Variants in SEC61A2 observed in about 807,000 individuals in gnomAD.
SEC61A2 encodes the protein protein transport protein Sec61 subunit alpha isoform 2.
In SEC61A2, 28 loss-of-function variants were observed where a neutral mutation model predicts 59.9. The observed-to-expected ratio is 0.47, with a 90% CI of 0.35 to 0.64. The LOEUF (loss-of-function observed/expected upper bound fraction) is 0.64, where lower values mean the gene tolerates loss of function less well. Among genes scored for constraint, SEC61A2 ranks in the 30% least tolerant of loss-of-function variants. SEC61A2 has a pLI of 0.01. For missense variants in SEC61A2, 340 were observed against 585.9 expected, an observed-to-expected ratio of 0.58 and a Z score of 4.33; for synonymous variants, 202 against 214.4, an observed-to-expected ratio of 0.94 and a Z score of 0.50.
Position 12,165,298 on chromosome 10 carries a change from CTGT to C in SEC61A2, c.*851_*853del, listed in dbSNP as rs539956283. Reference sequence around the variant, plus strand: ...ATATATTCATGCTAGGAATTTGTGTCTGTTGTTGTACTCACAGCAGCAACATGA... The same window carrying C: ...ATATATTCATGCTAGGAATTTGTGTCTGTTGTACTCACAGCAGCAACATGA... On this transcript the variant is annotated 3_prime_UTR_variant, in exon 12 of 12. Coordinates refer to ENST00000298428, the MANE Select transcript of SEC61A2 (RefSeq NM_018144.4). 0.014 allele frequency: 13,956 copies of C among 985,242 alleles called. 128 individuals carry two copies. Among genetic ancestry groups the C allele is most frequent in the Non-Finnish European group, 0.016 (12,981 of 829,768 alleles). 61.0% of individuals were successfully genotyped at this position (985,242 alleles called of 1,614,324 possible).
Position 12,164,660 on chromosome 10 carries a change from T to C in SEC61A2, c.*206T>C. 7.3e-7 allele frequency: 1 copy of C among 1,363,744 alleles called. No homozygotes were observed. The highest frequency in any genetic ancestry group is 9.4e-7 in the Non-Finnish European group (1 of 1,064,682). The allele number at this position is 1,363,744 out of a possible 1,614,324, so 84.5% of individuals were successfully genotyped here. On this transcript the variant is annotated 3_prime_UTR_variant, in exon 12 of 12. Coordinates refer to ENST00000298428, the MANE Select transcript of SEC61A2 (RefSeq NM_018144.4). The surrounding 1 kb of genome is among the most constrained non-coding windows in gnomAD (Gnocchi z 7.3). ...TTAAAACTCAAGTTTACATTATTCA[T>C]TAAAAAAAGTACATCTAGTGTTGCC...
chr10:12,165,379 T>C lies in SEC61A2; in HGVS notation c.*925T>C. 1 of 970,374 alleles carries C rather than the reference T, an allele frequency of 1.0e-6. No homozygotes were observed. Among genetic ancestry groups the C allele is most frequent in the Non-Finnish European group, 1.2e-6 (1 of 816,300 alleles). The allele number at this position is 970,374 out of a possible 1,614,324, so 60.1% of individuals were successfully genotyped here. ...TTTAAGAAAACTGATTCAGTTGTGT[T>C]GGAAAAAATAAAGAAATCTGATATT... On this transcript the variant is annotated 3_prime_UTR_variant, in exon 12 of 12. Coordinates refer to ENST00000298428, the MANE Select transcript of SEC61A2 (RefSeq NM_018144.4).
rs1049738834 is a variant in SEC61A2 at position 12,155,456 on chromosome 10, G to A, written c.463-322G>A. 2 of 1,063,898 alleles carry A rather than the reference G, an allele frequency of 1.9e-6. No homozygotes were observed. Among genetic ancestry groups the A allele is most frequent in the Non-Finnish European group, 1.3e-6 (1 of 755,484 alleles). The allele number at this position is 1,063,898 out of a possible 1,614,324, so 65.9% of individuals were successfully genotyped here. The stretch of plus-strand genomic sequence containing the variant: ...GCTGTCATAAATTCTAGAATACTGT[G>A]ATCATTTTTTGTTTCAGTGTGCTTT... On this transcript the variant is annotated intron_variant, in intron 6 of 11. Transcript: ENST00000298428. The surrounding 1 kb of genome is among the most constrained non-coding windows in gnomAD (Gnocchi z 4.3).
intron 2 of SEC61A2, among the ~76,000 whole-genome samples, chr10:12,134,968 G>A (rs1588629606): frequency 6.6e-6 from 1 of 152,074 alleles, no homozygotes; most frequent in East Asian, 1.9e-4. Flanking sequence ...CTTCAAAAAG[G>A]GGCATTTAAG....
downstream of SEC61A2, chr10:12,167,038 C>A (rs1834716317): frequency 5.3e-6 from 1 of 189,038 alleles, no homozygotes; most frequent in Admixed American, 5.6e-5. Flanking sequence ...CAAGCACGTG[C>A]AGATGCTTGC....
rs1024187074 is a variant in SEC61A2, at chr10:12,162,886, T to C, written c.1244+597T>C. ...ATTTCATATAAATGGAATCATATAATGTATGTTATTTTGTAAGTGGCTTCT... is the reference window on the plus strand; with the variant it reads ...ATTTCATATAAATGGAATCATATAACGTATGTTATTTTGTAAGTGGCTTCT... On this transcript the variant is annotated intron_variant, in intron 11 of 11. Coordinates refer to ENST00000298428, the MANE Select transcript of SEC61A2 (RefSeq NM_018144.4). The surrounding 1 kb of genome is among the most constrained non-coding windows in gnomAD (Gnocchi z 6.1). 1.3e-5 allele frequency among the ~76,000 whole-genome samples: 2 copies of C among 152,208 alleles called. No individual in the cohort carries two copies. The highest frequency in any genetic ancestry group is 2.9e-5 in the Non-Finnish European group (2 of 68,030).
At position 12,160,594 on chromosome 10, in the gene SEC61A2, T is replaced by C. The variant is rs571384695; in HGVS notation, c.976-336T>C. Reference sequence around the variant, plus strand: ...TTAATGTACTGACTGGATACTCTCATAGCTCAGAAAATTTCAGATTTTAAG... The same window carrying C: ...TTAATGTACTGACTGGATACTCTCACAGCTCAGAAAATTTCAGATTTTAAG... On this transcript the variant is annotated intron_variant, in intron 9 of 11. Transcript: ENST00000298428. This position sits in a 1 kb window ranked among gnomAD's most constrained non-coding sequence, Gnocchi z 4.1. 2.6e-4 allele frequency among the ~76,000 whole-genome samples: 40 copies of C among 152,348 alleles called. No individual in the cohort carries two copies. The highest frequency in any genetic ancestry group is 3.4e-3 in the Middle Eastern group (1 of 294).
At chr10:12,144,201 T>G (rs1355528161) in intron 4 of SEC61A2, among the ~76,000 whole-genome samples, 2 of 152,164 alleles carry the variant, frequency 1.3e-5, no homozygotes, top group Non-Finnish European at 2.9e-5. Flanking sequence ...ATTTTAAAAA[T>G]GCACTAGCAA....
Position 12,146,177 on chromosome 10 carries a change from T to G in SEC61A2, c.220+2982T>G, listed in dbSNP as rs115121917. Among the ~76,000 whole-genome samples the G allele has an allele frequency of 6.3e-3, 952 of 152,066 alleles. 10 individuals carry two copies. Among genetic ancestry groups the G allele is most frequent in the African/African-American group, 0.022 (899 of 41,484 alleles). ...CTGGGATTACAGGCACAAGCCACCA[T>G]GCGCCACTAATTTTTTTATTTTTAG... On this transcript the variant is annotated intron_variant, in intron 4 of 11. Transcript: ENST00000298428.
downstream of SEC61A2, chr10:12,167,771 G>A (rs781357687): frequency 1.9e-6 from 3 of 1,614,064 alleles, no homozygotes; most frequent in African/African-American, 2.7e-5. Context: ...CGTAGGAATA[G>A]ACCCTGGCGT....
Position 12,158,021 on chromosome 10 carries a change from G to T in SEC61A2, c.891G>T (p.Leu297=). ...SNIPIILQSA[L]VSNLYVISQM... is the part of the protein sequence containing the mutation. Reference sequence around the variant, plus strand: ...TCCCCATCATCCTCCAGTCGGCCCTGGTGTCCAACCTGTATGTTATTTCCC... The same window carrying T: ...TCCCCATCATCCTCCAGTCGGCCCTTGTGTCCAACCTGTATGTTATTTCCC... Residue 297 remains leucine (L), a synonymous_variant, in exon 9 of 12, where the codon CTG becomes CTT. Transcript: ENST00000298428. This position sits in a 1 kb window ranked among gnomAD's most constrained non-coding sequence, Gnocchi z 5.7. 1 of 1,614,126 alleles carries T rather than the reference G, an allele frequency of 6.2e-7. No homozygotes were observed. The highest frequency in any genetic ancestry group is 8.5e-7 in the Non-Finnish European group (1 of 1,180,014).
At chr10:12,169,538 C>A, downstream of SEC61A2, 1 of 482,594 alleles carries the variant, frequency 2.1e-6, no homozygotes, top group Non-Finnish European at 3.7e-6. The surrounding 1 kb of genome is among the most constrained non-coding windows in gnomAD (Gnocchi z 4.8). Flanking sequence ...TATTGATTGT[C>A]ATGCCTTTCT....
intron 4 of SEC61A2, among the ~76,000 whole-genome samples, chr10:12,148,680 C>G (rs1041459251): frequency 6.6e-6 from 1 of 152,080 alleles, no homozygotes; most frequent in East Asian, 1.9e-4. Context: ...GCTGGGACTA[C>G]AGGCGCACGC....
At chr10:12,144,053 A>T (rs965045317) in intron 4 of SEC61A2, among the ~76,000 whole-genome samples, 9 of 150,498 alleles carry the variant, frequency 6.0e-5, no homozygotes, top group Admixed American at 4.6e-4. Flanking sequence ...CTGGTCTTGA[A>T]CTCCTGGGTT....
rs1834505948 is a variant in SEC61A2 at position 12,160,706 on chromosome 10, ACT to A, written c.976-222_976-221del. ...TAATATATTACAATTTTTAAAAATG[ACT>A]CAATATTTTCACAGTGTCTTGCATG... On this transcript the variant is annotated intron_variant, in intron 9 of 11. Transcript: ENST00000298428. The surrounding 1 kb of genome is among the most constrained non-coding windows in gnomAD (Gnocchi z 4.1). Among the ~76,000 whole-genome samples the A allele has an allele frequency of 8.1e-6, 1 of 123,758 alleles. No individual in the cohort carries two copies. Among genetic ancestry groups the A allele is most frequent in the South Asian group, 2.4e-4 (1 of 4,212 alleles). 81.2% of individuals were successfully genotyped at this position (123,758 alleles called of 152,430 possible). A position where few individuals can be genotyped will look rare whatever the true frequency, so the allele number is the denominator to read the frequency against.
At chr10:12,135,750 A>G (rs1372124779) in intron 2 of SEC61A2, among the ~76,000 whole-genome samples, 1 of 152,188 alleles carries the variant, frequency 6.6e-6, no homozygotes. Flanking sequence ...CACTTAAGAT[A>G]ACCTCCTCCA....
chr10:12,150,000 A>AGTTTT lies in SEC61A2; in HGVS notation c.462+43_462+44insTGTTT. On this transcript the variant is annotated intron_variant, in intron 6 of 11. Coordinates refer to ENST00000298428, the MANE Select transcript of SEC61A2 (RefSeq NM_018144.4). The surrounding 1 kb of genome is among the most constrained non-coding windows in gnomAD (Gnocchi z 5.2). ...TATTTTCCTATGCAGATAACAAAAC[A>AGTTTT]GTTTGATTCCTTTTTCCTTTTCTAA... 7.4e-7 allele frequency: 1 copy of AGTTTT among 1,354,264 alleles called. No individual in the cohort carries two copies. Among genetic ancestry groups the AGTTTT allele is most frequent in the Non-Finnish European group, 1.1e-6 (1 of 948,028 alleles). The allele number at this position is 1,354,264 out of a possible 1,614,324, so 83.9% of individuals were successfully genotyped here.
intron 3 of SEC61A2, among the ~76,000 whole-genome samples, chr10:12,139,559 C>T (rs538463916): frequency 1.5e-4 from 23 of 151,958 alleles, no homozygotes; most frequent in South Asian, 4.1e-4. Context: ...CCAACGCAGG[C>T]GGATCACGAG....
rs1376190673 is a variant in SEC61A2, at chr10:12,142,136, C to T, written c.142-981C>T. ...CCTGTTATTTGTGTAATAGCATCAACGTTGCTTGGATCTCAGGGCAGGATT... is the reference window on the plus strand; with the variant it reads ...CCTGTTATTTGTGTAATAGCATCAATGTTGCTTGGATCTCAGGGCAGGATT... On this transcript the variant is annotated intron_variant, in intron 3 of 11. Transcript: ENST00000298428. This position sits in a 1 kb window ranked among gnomAD's most constrained non-coding sequence, Gnocchi z 5.4. 2.0e-5 allele frequency among the ~76,000 whole-genome samples: 3 copies of T among 152,154 alleles called. No individual in the cohort carries two copies. Among genetic ancestry groups the T allele is most frequent in the African/African-American group, 7.2e-5 (3 of 41,438 alleles).
Sources: allele counts gnomAD v4.1 joint callset (sites outside exome capture counted in the v4.1 genomes callset), GRCh38; gene constraint gnomAD v4.1.1; non-coding constraint Gnocchi (gnomAD v3.1); transcripts MANE v1.5; gene names NCBI Gene and HGNC (gene_info 2026-07-23, HGNC 2026-07-21).